PACRG: variants seen among roughly 807,000 people sequenced by gnomAD.
PACRG encodes parkin coregulated gene protein.
A neutral mutation model predicts 29.7 loss-of-function variants in PACRG; 29 were observed. The ratio of observed to expected loss-of-function variants is 0.98; its 90% confidence interval spans 0.73 to 1.33. The LOEUF is 1.33. Ranked by LOEUF, PACRG falls within the 40% of genes most tolerant of loss-of-function variation. PACRG has a pLI of 0.00. For synonymous variants in PACRG, 116 were observed against 118.7 expected (o/e 0.98, Z 0.15); for missense variants, 279 against 316.2 (o/e 0.88, Z 0.89).
intron 1 of PACRG, among the ~76,000 whole-genome samples, chr6:162,810,011 A>C (rs1018563628): frequency 6.6e-6 from 1 of 152,148 alleles, no homozygotes; most frequent in East Asian, 1.9e-4. Flanking sequence ...CTGCCTAGAG[A>C]GTCAGGAATT....
chr6:163,035,228 C>T (rs977874634), intron 2 of PACRG, among the ~76,000 whole-genome samples: 8 of 152,188 alleles, frequency 5.3e-5, no homozygotes, highest in Admixed American at 1.3e-4. Flanking sequence ...AATGCCTTAA[C>T]TGGGCCGGGC....
chr6:162,849,210 G>C (rs534776312), intron 2 of PACRG, among the ~76,000 whole-genome samples: 1 of 152,300 alleles, frequency 6.6e-6, no homozygotes, highest in South Asian at 2.1e-4. Context: ...AAGAAAAAAG[G>C]ACCCTTTAAG....
chr6:163,064,647 A>T (rs1003887603), intron 3 of PACRG, among the ~76,000 whole-genome samples: 1 of 152,204 alleles, frequency 6.6e-6, no homozygotes, highest in Non-Finnish European at 1.5e-5. Flanking sequence ...GAAAAATATT[A>T]TGTGCATAAA....
At chr6:163,180,891 CA>C (rs1260298252) in intron 4 of PACRG, among the ~76,000 whole-genome samples, 1 of 152,242 alleles carries the variant, frequency 6.6e-6, no homozygotes, top group Non-Finnish European at 1.5e-5. Context: ...GTGTGTGTTT[CA>C]CCCGCTTGGC....
At chr6:162,784,584 A>G (rs1310016300) in intron 1 of PACRG, among the ~76,000 whole-genome samples, 2 of 152,158 alleles carry the variant, frequency 1.3e-5, no homozygotes, top group Non-Finnish European at 2.9e-5. Flanking sequence ...TTTTTCTAAG[A>G]CAGAAATGCA....
intron 4 of PACRG, among the ~76,000 whole-genome samples, chr6:163,147,037 T>G (rs1191121947): frequency 2.0e-5 from 3 of 152,198 alleles, no homozygotes; most frequent in Admixed American, 6.5e-5. Context: ...AATCATCCTT[T>G]GCAGTTAGCT....
At chr6:163,108,392 C>CTTTTTTTTTT (rs528887997) in intron 4 of PACRG, among the ~76,000 whole-genome samples, 4 of 90,508 alleles carry the variant, frequency 4.4e-5, no homozygotes, top group Non-Finnish European at 7.9e-5. Flanking sequence ...TTCTCTTTCC[C>CTTTTTTTTTT]TTTTTTTTTT....
chr6:163,136,795 T>G (rs1022087602), intron 4 of PACRG, among the ~76,000 whole-genome samples: 9 of 152,226 alleles, frequency 5.9e-5, no homozygotes, highest in Non-Finnish European at 1.5e-5. Flanking sequence ...TTTGAATAAT[T>G]TATTCAACTA....
intron 1 of PACRG, among the ~76,000 whole-genome samples, chr6:162,763,708 A>G (rs1329446029): frequency 6.6e-6 from 1 of 152,200 alleles, no homozygotes; most frequent in East Asian, 1.9e-4. Flanking sequence ...TATGAAATAG[A>G]TGTGCACCAG....
At chr6:162,900,622 G>T (rs911057778) in intron 2 of PACRG, among the ~76,000 whole-genome samples, 1 of 151,970 alleles carries the variant, frequency 6.6e-6, no homozygotes, top group Non-Finnish European at 1.5e-5. Flanking sequence ...GAGGGCCCCC[G>T]AGCTGCCACT....
chr6:162,855,229 C>G (rs1791285034), intron 2 of PACRG, among the ~76,000 whole-genome samples: 2 of 152,176 alleles, frequency 1.3e-5, no homozygotes, highest in Non-Finnish European at 2.9e-5. Context: ...TGGAGGAGTG[C>G]CTGTAAAACA....
Position 162,969,487 on chromosome 6 carries a change from C to A in PACRG, c.292-92663C>A, listed in dbSNP as rs116930221. 7.0e-3 allele frequency among the ~76,000 whole-genome samples: 1,058 copies of A among 152,202 alleles called. 18 individuals carry two copies. The highest frequency in any genetic ancestry group is 0.056 in the East Asian group (289 of 5,164). On this transcript the variant is annotated intron_variant, in intron 2 of 4. Coordinates refer to ENST00000366888, the MANE Select transcript of PACRG (RefSeq NM_001080379.2). Reference sequence around the variant, plus strand: ...GTCTCTCTTGCCACCCATCTCCCCCCACTATTCCATAGCCACAAGAAGCAA... The same window carrying A: ...GTCTCTCTTGCCACCCATCTCCCCCAACTATTCCATAGCCACAAGAAGCAA...
chr6:162,930,417 T>C (rs1196361148), intron 2 of PACRG, among the ~76,000 whole-genome samples: 1 of 151,856 alleles, frequency 6.6e-6, no homozygotes, highest in Non-Finnish European at 1.5e-5. Context: ...TATATAATTA[T>C]GACTGATTTT....
intron 4 of PACRG, among the ~76,000 whole-genome samples, chr6:163,213,459 TGGTAGTAATATACC>T (rs1304297355): frequency 6.6e-6 from 1 of 152,230 alleles, no homozygotes; most frequent in Non-Finnish European, 1.5e-5. Flanking sequence ...GGGGATAAAG[TGGTAGTAATATACC>T]GGTGTTTGTT....
At chr6:163,252,713 C>T (rs1372522850) in intron 4 of PACRG, among the ~76,000 whole-genome samples, 4 of 152,218 alleles carry the variant, frequency 2.6e-5, no homozygotes, top group Non-Finnish European at 4.4e-5. Flanking sequence ...TTCACAAAGA[C>T]GCTTTTAACC....
intron 4 of PACRG, among the ~76,000 whole-genome samples, chr6:163,247,608 A>G (rs1562337636): frequency 6.6e-6 from 1 of 152,134 alleles, no homozygotes; most frequent in Admixed American, 6.5e-5. Context: ...AGCACGCTCT[A>G]TTTTTAAAAG....
intron 1 of PACRG, among the ~76,000 whole-genome samples, chr6:162,787,494 A>G (rs967808590): frequency 5.4e-5 from 8 of 148,158 alleles, no homozygotes; most frequent in Non-Finnish European, 8.9e-5. Context: ...TATGGTATAT[A>G]TATGTATATG....
Position 163,010,278 on chromosome 6 carries a change from C to T in PACRG, c.292-51872C>T, listed in dbSNP as rs78873221. Among the ~76,000 whole-genome samples the T allele has an allele frequency of 9.7e-3, 1,476 of 152,308 alleles. 20 individuals carry two copies. Among genetic ancestry groups the T allele is most frequent in the East Asian group, 0.037 (194 of 5,190 alleles). On this transcript the variant is annotated intron_variant, in intron 2 of 4. Coordinates refer to ENST00000366888, the MANE Select transcript of PACRG (RefSeq NM_001080379.2). ...AAACGCTAGATTCTGATTTATGTAG[C>T]ATTTTACAAACCAAAATCCATTTTT...
rs1363433054 is a variant in PACRG, at chr6:162,947,640, A to G, written c.292-114510A>G. On this transcript the variant is annotated intron_variant, in intron 2 of 4. Transcript: ENST00000366888. The stretch of plus-strand genomic sequence containing the variant: ...TATATATATATATATATATATATAT[A>G]TATATATACACCCAAAGATTCCACC... 5.2e-4 allele frequency among the ~76,000 whole-genome samples: 43 copies of G among 83,238 alleles called. 1 individual carries two copies. Among genetic ancestry groups the G allele is most frequent in the African/African-American group, 2.1e-3 (43 of 20,886 alleles). 54.6% of individuals were successfully genotyped at this position (83,238 alleles called of 152,430 possible). A position where few individuals can be genotyped will look rare whatever the true frequency, so the allele number is the denominator to read the frequency against.
Sources: gnomAD v4.1 joint callset for allele counts (sites outside exome capture counted in the v4.1 genomes callset) on GRCh38, gnomAD v4.1.1 for gene constraint, MANE v1.5 for transcripts, NCBI Gene and HGNC (gene_info 2026-07-23, HGNC 2026-07-21) for gene names.